KCNJ6: variants seen among roughly 807,000 people sequenced by gnomAD.
KCNJ6 encodes G protein-activated inward rectifier potassium channel 2.
Under a neutral mutation model 34.2 loss-of-function variants are expected in KCNJ6, and 9 were observed. The observed-to-expected ratio is 0.26, with a 90% CI of 0.16 to 0.46. The LOEUF (loss-of-function observed/expected upper bound fraction) is 0.46. Among genes scored for constraint, KCNJ6 ranks in the 20% least tolerant of loss-of-function variants. The probability of loss-of-function intolerance (pLI) is 1.00; values close to 1 mark genes in which losing one functional copy is unlikely to be tolerated. For missense variants in KCNJ6, 236 were observed against 531.3 expected, an observed-to-expected ratio of 0.44 and a Z score of 5.46; for synonymous variants, 196 against 207.1, an observed-to-expected ratio of 0.95 and a Z score of 0.46.
At chr21:37,863,060 G>T (rs957265060) in intron 1 of KCNJ6, among the ~76,000 whole-genome samples, 1 of 152,218 alleles carries the variant, frequency 6.6e-6, no homozygotes, top group African/African-American at 2.4e-5. Context: ...TCACAGCAGA[G>T]AATTACTGGT....
intron 3 of KCNJ6, among the ~76,000 whole-genome samples, chr21:37,652,976 A>G (rs1174807379): frequency 6.6e-6 from 1 of 152,212 alleles, no homozygotes; most frequent in Non-Finnish European, 1.5e-5. Flanking sequence ...GAGCACATTG[A>G]ACAGAAAAAT....
At chr21:37,735,754 C>A (rs1219058142) in intron 2 of KCNJ6, among the ~76,000 whole-genome samples, 2 of 152,170 alleles carry the variant, frequency 1.3e-5, no homozygotes, top group African/African-American at 4.8e-5. Flanking sequence ...CCTGGAGCAG[C>A]CACTTGGAGG....
At chr21:37,697,380 T>C (rs1376887163) in intron 3 of KCNJ6, among the ~76,000 whole-genome samples, 3 of 151,998 alleles carry the variant, frequency 2.0e-5, no homozygotes, top group Non-Finnish European at 4.4e-5. Context: ...AAAGGAGCCA[T>C]AGAAAGTGGG....
At chr21:37,802,908 T>TATAA (rs2055276040) in intron 2 of KCNJ6, among the ~76,000 whole-genome samples, 1 of 152,122 alleles carries the variant, frequency 6.6e-6, no homozygotes, top group East Asian at 1.9e-4. Flanking sequence ...GCACTGCAGG[T>TATAA]ATAAATAAAT....
chr21:37,840,630 A>T, intron 2 of KCNJ6, 28 bp downstream of exon 2: 1 of 1,553,936 alleles, frequency 6.4e-7, no homozygotes, highest in Non-Finnish European at 8.8e-7. Context: ...CAAAACAAAA[A>T]ATAAATAATA....
At chr21:37,850,221 G>A (rs971884546) in intron 1 of KCNJ6, among the ~76,000 whole-genome samples, 1 of 152,102 alleles carries the variant, frequency 6.6e-6, no homozygotes, top group South Asian at 2.1e-4. Flanking sequence ...GGTCAGGTGG[G>A]ACTGATGATA....
At chr21:37,877,941 A>G (rs2055686975) in intron 1 of KCNJ6, among the ~76,000 whole-genome samples, 1 of 152,260 alleles carries the variant, frequency 6.6e-6, no homozygotes, top group East Asian at 1.9e-4. Context: ...GAGAAGAGAA[A>G]ATTCAAGAGA....
intron 3 of KCNJ6, among the ~76,000 whole-genome samples, chr21:37,682,751 T>C (rs1451595882): frequency 6.6e-6 from 1 of 152,132 alleles, no homozygotes; most frequent in Non-Finnish European, 1.5e-5. Context: ...TCACTACAGA[T>C]GGGTTGGTGC....
chr21:37,773,278 A>G (rs1325168701), intron 2 of KCNJ6, among the ~76,000 whole-genome samples: 1 of 152,166 alleles, frequency 6.6e-6, no homozygotes, highest in Non-Finnish European at 1.5e-5. Context: ...TTTCTGTAGC[A>G]TGCTGGGTTC....
intron 3 of KCNJ6, among the ~76,000 whole-genome samples, chr21:37,655,223 GTGAGAGAGAGAGAGAGAGAGAGA>G (rs2054456249): frequency 6.9e-4 from 7 of 10,158 alleles, no homozygotes; most frequent in African/African-American, 1.1e-3. Flanking sequence ...GTGTGTGTGT[GTGAGAGAGAGAGAGAGAGAGAGA>G]GAGAGAGAGA....
intron 3 of KCNJ6, among the ~76,000 whole-genome samples, chr21:37,691,444 C>A (rs1043971791): frequency 6.6e-6 from 1 of 152,204 alleles, no homozygotes; most frequent in Non-Finnish European, 1.5e-5. Context: ...ACCCTCCCAG[C>A]CTGCTTGGCA....
At chr21:37,648,732 T>C (rs1292063184) in intron 3 of KCNJ6, among the ~76,000 whole-genome samples, 1 of 152,206 alleles carries the variant, frequency 6.6e-6, no homozygotes, top group Non-Finnish European at 1.5e-5. Flanking sequence ...CTTCCTGCTA[T>C]TTCTTGGGGT....
chr21:37,607,463 G>GATATATATATATATATATATAT lies in KCNJ6; in HGVS notation c.*17695_*17696insATATATATATATATATATATAT, dbSNP rs34826537. On this transcript the variant is annotated 3_prime_UTR_variant, in exon 4 of 4. Coordinates refer to ENST00000609713, the MANE Select transcript of KCNJ6 (RefSeq NM_002240.5). Reference sequence around the variant, plus strand: ...TTCCCTAACACAGCGAGTTCTTAAAGATATATATATATATATATATTTTTT... The same window carrying GATATATATATATATATATATAT: ...TTCCCTAACACAGCGAGTTCTTAAAGATATATATATATATATATATATATATATATATATATATATATTTTTT... 239 of 128,654 alleles carry GATATATATATATATATATATAT rather than the reference G, an allele frequency of 1.9e-3. 1 individual carries two copies. Among genetic ancestry groups the GATATATATATATATATATATAT allele is most frequent in the East Asian group, 4.9e-3 (19 of 3,888 alleles). The allele number at this position is 128,654 out of a possible 1,614,324, so 8.0% of individuals were successfully genotyped here. A position where few individuals can be genotyped will look rare whatever the true frequency, so the allele number is the denominator to read the frequency against.
intron 3 of KCNJ6, among the ~76,000 whole-genome samples, chr21:37,672,273 T>A (rs1206281309): frequency 6.6e-6 from 1 of 152,066 alleles, no homozygotes; most frequent in Non-Finnish European, 1.5e-5. Flanking sequence ...AGGAAGCTTC[T>A]CTTTTCTGTG....
chr21:37,705,244 G>A (rs1468383185), intron 3 of KCNJ6, among the ~76,000 whole-genome samples: 1 of 152,112 alleles, frequency 6.6e-6, no homozygotes, highest in Non-Finnish European at 1.5e-5. Context: ...CCTCTAGAGG[G>A]GCACTGGAGC....
intron 3 of KCNJ6, among the ~76,000 whole-genome samples, chr21:37,649,132 CAAAAAAAAAAAA>C (rs1169306298): frequency 2.5e-5 from 1 of 40,034 alleles, no homozygotes. Context: ...GACTCCATCT[CAAAAAAAAAAAA>C]AAAAAAAAAA....
At chr21:37,667,057 G>A (rs1333509874) in intron 3 of KCNJ6, among the ~76,000 whole-genome samples, 1 of 145,546 alleles carries the variant, frequency 6.9e-6, no homozygotes, top group Non-Finnish European at 1.5e-5. Context: ...GGAGACCTTT[G>A]TTCACCTGTT....
intron 3 of KCNJ6, among the ~76,000 whole-genome samples, chr21:37,656,528 C>T (rs950196226): frequency 5.4e-4 from 82 of 152,330 alleles, no homozygotes; most frequent in African/African-American, 1.9e-3. Flanking sequence ...CTGAGGTGGG[C>T]CGCATAGCAG....
At chr21:37,694,574 C>T (rs190979529) in intron 3 of KCNJ6, among the ~76,000 whole-genome samples, 376 of 152,262 alleles carry the variant, frequency 2.5e-3, no homozygotes, top group African/African-American at 3.2e-3. Context: ...CAGGTGTCAG[C>T]GGTGTGTCGG....
Sources: allele counts gnomAD v4.1 joint callset (sites outside exome capture counted in the v4.1 genomes callset), GRCh38; gene constraint gnomAD v4.1.1; transcripts MANE v1.5; gene names NCBI Gene and HGNC (gene_info 2026-07-23, HGNC 2026-07-21).